OPCML: variants seen among roughly 807,000 people sequenced by gnomAD.
The protein encoded by OPCML is opioid binding protein/cell adhesion molecule like.
A neutral mutation model predicts 37.8 loss-of-function variants in OPCML; 13 were observed. That is an observed-to-expected ratio of 0.34 (90% CI 0.22 to 0.55). The LOEUF is 0.55. OPCML is among the 20% of genes least tolerant of loss of function. The pLI is 0.91. For missense variants in OPCML, 341 were observed against 435.6 expected (o/e 0.78, Z 1.93); for synonymous variants, 176 against 168.8 (o/e 1.04, Z -0.33).
chr11:133,079,067 T>C (rs1005128028), intron 1 of OPCML, among the ~76,000 whole-genome samples: 2 of 152,158 alleles, frequency 1.3e-5, no homozygotes, highest in African/African-American at 2.4e-5. Flanking sequence ...TCCCACCCAG[T>C]TCCTGCCGTG....
At chr11:132,497,158 C>T (rs551752422) in intron 4 of OPCML, among the ~76,000 whole-genome samples, 2 of 152,270 alleles carry the variant, frequency 1.3e-5, no homozygotes, top group East Asian at 1.9e-4. Context: ...CCAAACACCA[C>T]ATGTTCTCAC....
intron 1 of OPCML, among the ~76,000 whole-genome samples, chr11:133,267,150 T>C (rs12417310): frequency 0.051 from 7,789 of 152,014 alleles, 223 homozygotes; most frequent in Middle Eastern, 0.075. Context: ...AGTGTACATT[T>C]TGGAATTAAA....
chr11:132,546,419 C>A (rs2096368773), intron 3 of OPCML, among the ~76,000 whole-genome samples: 1 of 152,142 alleles, frequency 6.6e-6, no homozygotes, highest in African/African-American at 2.4e-5. Context: ...GTAGTCTTTT[C>A]TCCTTCACCC....
intron 1 of OPCML, among the ~76,000 whole-genome samples, chr11:133,271,812 C>T (rs1941845369): frequency 6.6e-6 from 1 of 152,202 alleles, no homozygotes; most frequent in Admixed American, 6.5e-5. Flanking sequence ...CTTTCTCATT[C>T]ATTTGTTTGT....
At chr11:132,827,572 G>T (rs1940427874) in intron 2 of OPCML, among the ~76,000 whole-genome samples, 1 of 152,152 alleles carries the variant, frequency 6.6e-6, no homozygotes, top group Admixed American at 6.5e-5. Flanking sequence ...TTACCTCAAT[G>T]AGCTGATAAA....
chr11:133,468,435 G>A (rs2137000644), intron 1 of OPCML, among the ~76,000 whole-genome samples: 1 of 152,334 alleles, frequency 6.6e-6, no homozygotes, highest in East Asian at 1.9e-4. Flanking sequence ...GGCCCAGGGA[G>A]ACTGTGACTG....
intron 2 of OPCML, among the ~76,000 whole-genome samples, chr11:132,737,662 G>A (rs1945305209): frequency 6.6e-6 from 1 of 152,130 alleles, no homozygotes; most frequent in Non-Finnish European, 1.5e-5. Flanking sequence ...ATCATGCTGT[G>A]TAGAGAGCTT....
At chr11:132,655,862 CTTTT>C (rs1181492812) in intron 3 of OPCML, among the ~76,000 whole-genome samples, 1 of 134,412 alleles carries the variant, frequency 7.4e-6, no homozygotes, top group Non-Finnish European at 1.6e-5. Flanking sequence ...CATCGTGGTC[CTTTT>C]TTTTTTTTTT....
chr11:132,528,206 T>G (rs2096313817), intron 4 of OPCML, among the ~76,000 whole-genome samples: 1 of 152,226 alleles, frequency 6.6e-6, no homozygotes, highest in African/African-American at 2.4e-5. Context: ...TTTCTCAATA[T>G]TACTAAGATT....
chr11:133,451,655 C>T (rs1946582176), intron 1 of OPCML, among the ~76,000 whole-genome samples: 1 of 149,866 alleles, frequency 6.7e-6, no homozygotes, highest in Non-Finnish European at 1.5e-5. Context: ...CCAGCCTGGC[C>T]AAAGTGGTGA....
At chr11:132,538,297 C>T (rs556267607) in intron 3 of OPCML, among the ~76,000 whole-genome samples, 109 of 152,124 alleles carry the variant, frequency 7.2e-4, no homozygotes, top group African/African-American at 2.5e-3. Flanking sequence ...GTGAAAGAAG[C>T]GAAACACAAA....
At chr11:133,140,886 C>A (rs1334367397) in intron 1 of OPCML, among the ~76,000 whole-genome samples, 6 of 10,112 alleles carry the variant, frequency 5.9e-4, no homozygotes, top group South Asian at 6.2e-3. Flanking sequence ...AAGACGACGA[C>A]GACGACGAAG....
intron 1 of OPCML, among the ~76,000 whole-genome samples, chr11:133,160,825 CCTGGAGAGG>C (rs930717512): frequency 6.6e-6 from 1 of 152,302 alleles, no homozygotes; most frequent in Non-Finnish European, 1.5e-5. Flanking sequence ...TTGCATTCAT[CCTGGAGAGG>C]CTTGGAGAGA....
At chr11:133,362,062 G>C (rs1465738830) in intron 1 of OPCML, 1 of 152,270 alleles carries the variant, frequency 6.6e-6, no homozygotes, top group East Asian at 1.9e-4. Context: ...TCGGGGCTGC[G>C]GGCGTTGTCC....
In OPCML at chr11:132,865,493, C is replaced by G. The variant is rs902401532; in HGVS notation, c.146+77433G>C. On this transcript the variant is annotated intron_variant, in intron 2 of 7. Coordinates refer to ENST00000524381, the MANE Select transcript of OPCML (RefSeq NM_001012393.5). ...CACGGCTCCTGGCCAGCTACCATCA[C>G]TTCTAGGCCTCAGCATTAGCATTTA... Among the ~76,000 whole-genome samples the G allele has an allele frequency of 2.0e-5, 3 of 152,234 alleles. No individual in the cohort carries two copies. The East Asian group carries it at 5.8e-4, about 29-fold the overall frequency.
intron 1 of OPCML, among the ~76,000 whole-genome samples, chr11:133,259,107 T>C (rs1057285854): frequency 6.6e-6 from 1 of 152,224 alleles, no homozygotes; most frequent in South Asian, 2.1e-4. Context: ...TGTTCAACCT[T>C]TCCTACCTCC....
chr11:133,423,123 A>G (rs1945926540), intron 1 of OPCML: 1 of 985,328 alleles, frequency 1.0e-6, no homozygotes, highest in Admixed American at 6.2e-5. Context: ...TTTGCCTTTC[A>G]GGATCTTATA....
At chr11:133,032,926 A>G (rs1195669221) in intron 1 of OPCML, among the ~76,000 whole-genome samples, 1 of 152,202 alleles carries the variant, frequency 6.6e-6, no homozygotes, top group Non-Finnish European at 1.5e-5. Context: ...AGAGAATTTT[A>G]TCTCAGCACT....
At chr11:133,414,728 T>C (rs1413090051) in intron 1 of OPCML, among the ~76,000 whole-genome samples, 1 of 152,078 alleles carries the variant, frequency 6.6e-6, no homozygotes, top group Non-Finnish European at 1.5e-5. Context: ...CGTTCCCAGC[T>C]CTTCCCTGCC....
Sources: allele counts gnomAD v4.1 joint callset (sites outside exome capture counted in the v4.1 genomes callset), GRCh38; gene constraint gnomAD v4.1.1; transcripts MANE v1.5; gene names NCBI Gene and HGNC (gene_info 2026-07-23, HGNC 2026-07-21).